The following KMT2E variants were observed in gnomAD, a reference collection of about 807,000 sequenced individuals.
KMT2E encodes the protein histone reader KMT2E.
Under a neutral mutation model 184.6 loss-of-function variants are expected in KMT2E, and 30 were observed. That is an observed-to-expected ratio of 0.16 (90% CI 0.12 to 0.22). The LOEUF (loss-of-function observed/expected upper bound fraction) is 0.22, where lower values mean the gene tolerates loss of function less well. KMT2E is among the 10% of genes least tolerant of loss of function. The pLI is 1.00. For missense variants in KMT2E, 2,023 were observed against 2,237.4 expected, an observed-to-expected ratio of 0.90 and a Z score of 1.93; for synonymous variants, 815 against 776.5, an observed-to-expected ratio of 1.05 and a Z score of -0.82.
intron 3 of KMT2E, among the ~76,000 whole-genome samples, chr7:105,052,895 T>C (rs1796405907): frequency 6.6e-6 from 1 of 152,060 alleles, no homozygotes; most frequent in South Asian, 2.1e-4. Flanking sequence ...TGCTTGAAGA[T>C]CTAATAGTTA....
At chr7:105,035,522 GT>G (rs200310624) in intron 1 of KMT2E, among the ~76,000 whole-genome samples, 2,030 of 151,350 alleles carry the variant, frequency 0.013, 27 homozygotes, top group Middle Eastern at 0.027. Flanking sequence ...ATTCACCCAA[GT>G]TGTTGCCTGT....
In KMT2E at chr7:105,102,229, A is replaced by G. The variant is rs374681952; in HGVS notation, c.2196+35A>G. 21 of 1,525,942 alleles carry G rather than the reference A, an allele frequency of 1.4e-5. No individual in the cohort carries two copies. The African/African-American group carries it at 2.7e-4, about 20-fold the overall frequency. 94.5% of individuals were successfully genotyped at this position (1,525,942 alleles called of 1,614,324 possible). ...TAATGAATGTAAGAACTGTTTTTCT[A>G]ACAGTTTCTTATATTAATTATATTG... On this transcript the variant is annotated intron_variant, in intron 17 of 26. Transcript: ENST00000311117.
intron 1 of KMT2E, among the ~76,000 whole-genome samples, chr7:105,030,745 C>A (rs1795375011): frequency 6.6e-6 from 1 of 152,104 alleles, no homozygotes; most frequent in African/African-American, 2.4e-5. Context: ...CTACTCCTAT[C>A]CCCAGGTATA....
Position 105,077,120 on chromosome 7 carries a change from A to G in KMT2E, c.926A>G (p.Asn309Ser), listed in dbSNP as rs909158740. 13 of 1,613,994 alleles carry G rather than the reference A, an allele frequency of 8.1e-6. No homozygotes were observed. Among genetic ancestry groups the G allele is most frequent in the African/African-American group, 5.3e-5 (4 of 74,928 alleles). ...CAAAGAATAGCTCTGAGATTAGGCA[A>G]TGGAAATGACAAAAAAGAGATGAAT... ...EAQRIALRLG[N>S]GNDKKEMNKS... Residue 309 changes from asparagine to serine, a missense_variant, in exon 10 of 27, where the codon AAT becomes AGT. Asn to Ser is a conservative substitution (Grantham distance 46). Transcript: ENST00000311117.
chr7:105,064,926 G>A (rs1469603312), intron 5 of KMT2E, among the ~76,000 whole-genome samples: 1 of 151,944 alleles, frequency 6.6e-6, no homozygotes, highest in African/African-American at 2.4e-5. Context: ...CATAATCTTA[G>A]CAGTGTTCTT....
intron 13 of KMT2E, chr7:105,089,446 A>T (rs1250279956): frequency 9.4e-6 from 2 of 213,758 alleles, no homozygotes; most frequent in Non-Finnish European, 9.6e-6. Flanking sequence ...TGGCCTCCCA[A>T]AGTTCTGGGA....
chr7:105,022,674 C>G (rs912155791), intron 1 of KMT2E, among the ~76,000 whole-genome samples: 2 of 152,048 alleles, frequency 1.3e-5, no homozygotes, highest in African/African-American at 4.8e-5. Flanking sequence ...ATGATTCTTG[C>G]CTAAATAAAG....
In KMT2E at chr7:105,077,070, C is replaced by T. The variant is rs2240455; in HGVS notation, c.876C>T (p.Tyr292=). The T allele has an allele frequency of 0.17, 275,128 of 1,613,240 alleles. 37,231 individuals are homozygous for T. The highest frequency in any genetic ancestry group is 0.67 in the East Asian group (29,950 of 44,828). Residue 292 remains tyrosine (Y), a synonymous_variant, in exon 10 of 27, where the codon TAC becomes TAT. Coordinates refer to ENST00000311117, the MANE Select transcript of KMT2E (RefSeq NM_182931.3). ...DRYEEANNNQ[Y]SEGVQREAQR... is the part of the protein sequence containing the mutation. ...ATGAAGAAGCAAATAACAACCAGTACAGTGAGGGTGTTCAGAGGGAGGCAC... is the reference window on the plus strand; with the variant it reads ...ATGAAGAAGCAAATAACAACCAGTATAGTGAGGGTGTTCAGAGGGAGGCAC...
rs775980757 is a variant in KMT2E, at chr7:105,077,042, G to A, written c.848G>A (p.Arg283Gln). 15 of 1,613,922 alleles carry A rather than the reference G, an allele frequency of 9.3e-6. No homozygotes were observed. The highest frequency in any genetic ancestry group is 3.3e-5 in the South Asian group (3 of 91,070). ...ACAAAGATCAAAGCATGGATGGATC[G>A]ATATGAAGAAGCAAATAACAACCAG... ...WETKIKAWMD[R>Q]YEEANNNQYS... Residue 283 changes from arginine (R) to glutamine (Q), a missense_variant, in exon 10 of 27, where the codon CGA (arginine) becomes CAA (glutamine). By Grantham distance (43) the Arg-to-Gln change is conservative (BLOSUM62 1). Around this residue, in one of 8 missense-constraint regions of KMT2E, gnomAD observed 191 missense variants for 209.0 expected, o/e 0.91. Coordinates refer to ENST00000311117, the MANE Select transcript of KMT2E (RefSeq NM_182931.3).
At chr7:105,041,118 T>A in intron 3 of KMT2E, 95 bp downstream of exon 3, 1 of 695,678 alleles carries the variant, frequency 1.4e-6, no homozygotes, top group Non-Finnish European at 2.3e-6. Flanking sequence ...ATATTAAATT[T>A]CTTCTTTCCT....
intron 3 of KMT2E, among the ~76,000 whole-genome samples, chr7:105,049,506 G>C (rs1233482585): frequency 1.1e-4 from 17 of 151,910 alleles, no homozygotes; most frequent in Admixed American, 9.8e-4. Flanking sequence ...TTGAGGGCTT[G>C]TTATATGCCA....
intron 3 of KMT2E, among the ~76,000 whole-genome samples, chr7:105,052,096 A>G (rs572891651): frequency 1.3e-5 from 2 of 152,304 alleles, no homozygotes; most frequent in South Asian, 4.1e-4. Flanking sequence ...GCTTCCAGTG[A>G]CTTTCTGTTT....
intron 9 of KMT2E, 96 bp downstream of exon 9, chr7:105,076,177 T>C: frequency 1.2e-6 from 1 of 842,548 alleles, no homozygotes; most frequent in Non-Finnish European, 2.0e-6. Context: ...CTCTGTTTAT[T>C]GTGTGTCATG....
chr7:105,073,941 A>T (rs1448297241), intron 7 of KMT2E, among the ~76,000 whole-genome samples: 6 of 152,210 alleles, frequency 3.9e-5, no homozygotes, highest in Non-Finnish European at 7.4e-5. Context: ...ATTTTCCTAC[A>T]CATAGCTAAC....
At chr7:105,038,246 A>G (rs1250623029) in intron 2 of KMT2E, 47 bp downstream of exon 2, 3 of 152,252 alleles carry the variant, frequency 2.0e-5, no homozygotes, top group East Asian at 3.9e-4. Flanking sequence ...TTTATTCTCA[A>G]TGTATTTTGT....
At chr7:105,029,842 A>G (rs1380332303) in intron 1 of KMT2E, among the ~76,000 whole-genome samples, 1 of 152,200 alleles carries the variant, frequency 6.6e-6, no homozygotes. Context: ...ATGGGAGACT[A>G]ATAATGGGGA....
At position 105,090,357 on chromosome 7, in the gene KMT2E, A is replaced by G. The variant is rs1240022310; in HGVS notation, c.1623+84A>G. ...TTATCCTCTTCTTTGTTCTATGTAT[A>G]ATTGTTTAAAGTATTTTTAAGTCCA... On this transcript the variant is annotated intron_variant, in intron 14 of 26. Transcript: ENST00000311117. The G allele has an allele frequency of 2.1e-6, 3 of 1,421,326 alleles. No individual in the cohort carries two copies. The African/African-American group carries it at 4.4e-5, about 21-fold the overall frequency. The allele number at this position is 1,421,326 out of a possible 1,614,324, so 88.0% of individuals were successfully genotyped here. A position where few individuals can be genotyped will look rare whatever the true frequency, so the allele number is the denominator to read the frequency against.
At chr7:105,091,047 T>C (rs1391470655) in intron 14 of KMT2E, among the ~76,000 whole-genome samples, 169 bp from the exon 15 acceptor site, 1 of 152,226 alleles carries the variant, frequency 6.6e-6, no homozygotes, top group East Asian at 1.9e-4. Flanking sequence ...ATTGCATAAT[T>C]TTGAAAAGTA....
intron 15 of KMT2E, among the ~76,000 whole-genome samples, chr7:105,099,158 T>G (rs1798546914): frequency 6.6e-6 from 1 of 152,204 alleles, no homozygotes; most frequent in African/African-American, 2.4e-5. Context: ...TCCAAAATAT[T>G]TGTGTATTTT....
Sources: allele counts gnomAD v4.1 joint callset (sites outside exome capture counted in the v4.1 genomes callset), GRCh38; gene constraint gnomAD v4.1.1; regional missense constraint gnomAD v4.1.1; transcripts MANE v1.5; gene names NCBI Gene and HGNC (gene_info 2026-07-23, HGNC 2026-07-21).